STPG2: variants seen among roughly 807,000 people sequenced by gnomAD.
STPG2 encodes the protein sperm tail PG-rich repeat containing 2, also known as sperm-tail PG-rich repeat-containing protein 2.
A neutral mutation model predicts 54.2 loss-of-function variants in STPG2; 56 were observed. The observed-to-expected ratio is 1.03, with a 90% CI of 0.83 to 1.29. STPG2 has a LOEUF of 1.29. Ranked by LOEUF, STPG2 falls within the 50% of genes most tolerant of loss-of-function variation. The probability of loss-of-function intolerance (pLI) is 0.00; values close to 1 mark genes in which losing one functional copy is unlikely to be tolerated. For synonymous variants in STPG2, 200 were observed against 181.8 expected (o/e 1.10, Z -0.81); for missense variants, 596 against 544.9 (o/e 1.09, Z -0.93).
At chr4:97,705,266 T>G (rs1226607428) in intron 10 of STPG2, among the ~76,000 whole-genome samples, 1 of 152,148 alleles carries the variant, frequency 6.6e-6, no homozygotes, top group Admixed American at 6.6e-5. Flanking sequence ...AAACTCCCAT[T>G]ACTCTTTTAT....
chr4:97,877,181 A>T (rs1401208446), intron 8 of STPG2, among the ~76,000 whole-genome samples: 1 of 152,190 alleles, frequency 6.6e-6, no homozygotes, highest in Non-Finnish European at 1.5e-5. Context: ...AGTCTAACTG[A>T]AACTTTGTAC....
chr4:98,072,548 A>T, intron 5 of STPG2, among the ~76,000 whole-genome samples: 1 of 146,310 alleles, frequency 6.8e-6, no homozygotes, highest in Non-Finnish European at 1.5e-5. Context: ...CCCAGAACTT[A>T]CAATAAAAGT....
At chr4:97,501,353 C>T (rs1202947225) in intron 4 of STPG2, among the ~76,000 whole-genome samples, 3 of 150,726 alleles carry the variant, frequency 2.0e-5, no homozygotes, top group South Asian at 2.1e-4. Context: ...GTAAACATAT[C>T]GCAATAGGAA....
At chr4:97,867,117 A>T (rs1206921234) in intron 8 of STPG2, among the ~76,000 whole-genome samples, 2 of 152,004 alleles carry the variant, frequency 1.3e-5, no homozygotes, top group Non-Finnish European at 2.9e-5. Context: ...TGATCCATTT[A>T]GTACTGACAC....
intron 10 of STPG2, among the ~76,000 whole-genome samples, chr4:97,595,447 C>T (rs993240274): frequency 1.3e-5 from 2 of 151,332 alleles, no homozygotes; most frequent in Admixed American, 6.6e-5. Flanking sequence ...CGGGGCCTGT[C>T]ATGGGGTAGG....
intron 2 of STPG2, among the ~76,000 whole-genome samples, chr4:98,130,166 CTTTTTT>C (rs1397182900): frequency 1.4e-5 from 2 of 146,614 alleles, no homozygotes; most frequent in Non-Finnish European, 3.0e-5. Context: ...AGTCGTTTTT[CTTTTTT>C]AATATAATTT....
At chr4:97,870,985 A>G (rs1354487020) in intron 8 of STPG2, among the ~76,000 whole-genome samples, 2 of 151,120 alleles carry the variant, frequency 1.3e-5, no homozygotes, top group Non-Finnish European at 3.0e-5. Flanking sequence ...ATAATGAAAT[A>G]AAACAAGAAA....
intron 8 of STPG2, among the ~76,000 whole-genome samples, chr4:97,898,685 A>G (rs1731053248): frequency 6.6e-6 from 1 of 151,716 alleles, no homozygotes; most frequent in Non-Finnish European, 1.5e-5. Flanking sequence ...TATAATTTAA[A>G]AGCTTTAATT....
At chr4:97,933,379 T>C (rs1055231282) in intron 8 of STPG2, among the ~76,000 whole-genome samples, 10 of 152,312 alleles carry the variant, frequency 6.6e-5, no homozygotes, top group African/African-American at 2.4e-4. Flanking sequence ...TAGATCCCAA[T>C]TGTCAATTTT....
intron 7 of STPG2, among the ~76,000 whole-genome samples, chr4:97,967,524 G>C (rs532640123): frequency 6.9e-4 from 105 of 152,234 alleles, no homozygotes; most frequent in African/African-American, 2.4e-3. Context: ...GACATCTACA[G>C]AACTCTCCAC....
intron 7 of STPG2, among the ~76,000 whole-genome samples, chr4:97,945,180 A>C (rs572637258): frequency 6.6e-6 from 1 of 152,094 alleles, no homozygotes; most frequent in Non-Finnish European, 1.5e-5. Context: ...ATTGTACCCA[A>C]TAAGTAGTTT....
intron 9 of STPG2, among the ~76,000 whole-genome samples, chr4:97,795,694 T>C (rs1727147977): frequency 6.6e-6 from 1 of 152,236 alleles, no homozygotes; most frequent in African/African-American, 2.4e-5. Flanking sequence ...GCATGATTTA[T>C]AATCCTTTGG....
At chr4:97,845,892 A>C (rs781385960) in intron 8 of STPG2, among the ~76,000 whole-genome samples, 69 of 152,202 alleles carry the variant, frequency 4.5e-4, no homozygotes, top group Non-Finnish European at 6.8e-4. Context: ...CAAGGACTAA[A>C]GACTGGTATT....
rs1394404216 is a variant in STPG2, at chr4:97,489,189, A to G, written c.462+223510T>C. On this transcript the variant is annotated intron_variant, in intron 4 of 4. Transcript: ENST00000522676. ...TTGAACCTCCTTGCCTTCCAGCATG[A>G]TTGTGAGGCCTCCACACCCATTTGG... is the stretch of plus-strand genomic sequence containing the variant. Among the ~76,000 whole-genome samples, 3 of 151,830 alleles carry G rather than the reference A, an allele frequency of 2.0e-5. No individual in the cohort carries two copies. The East Asian group carries it at 5.8e-4, about 30-fold the overall frequency.
In STPG2 at chr4:97,981,460, G is replaced by T. The variant is rs946020858; in HGVS notation, c.613-142C>A. 21 of 810,960 alleles carry T rather than the reference G, an allele frequency of 2.6e-5. No homozygotes were observed. In the African/African-American group the frequency reaches 3.1e-4, roughly 12 times the overall value. The allele number at this position is 810,960 out of a possible 1,614,324, so 50.2% of individuals were successfully genotyped here. ...AGTGAAGAAAATGTAGATGAACTAA[G>T]ATCTTGTACCCATCAAAACATAAAA... On this transcript the variant is annotated intron_variant, in intron 5 of 10. Transcript: ENST00000295268.
chr4:97,945,047 CTTA>C (rs1250178864), intron 7 of STPG2, among the ~76,000 whole-genome samples: 2 of 152,104 alleles, frequency 1.3e-5, no homozygotes, highest in African/African-American at 4.8e-5. Context: ...TGAAAAATAA[CTTA>C]TTTTTATAAT....
At chr4:97,930,442 C>G (rs34916200) in intron 8 of STPG2, among the ~76,000 whole-genome samples, 2 of 151,882 alleles carry the variant, frequency 1.3e-5, no homozygotes, top group Non-Finnish European at 2.9e-5. Context: ...GAATGTTTTC[C>G]CCATTGCTTG....
chr4:97,652,889 A>G (rs1722110310), intron 10 of STPG2, among the ~76,000 whole-genome samples: 2 of 152,074 alleles, frequency 1.3e-5, no homozygotes, highest in African/African-American at 4.8e-5. Context: ...GACTAAAATC[A>G]TCATCATTTG....
chr4:97,954,300 G>A (rs1733585836), intron 7 of STPG2, among the ~76,000 whole-genome samples: 1 of 152,186 alleles, frequency 6.6e-6, no homozygotes, highest in African/African-American at 2.4e-5. Context: ...CCTCTGAGAG[G>A]TGAGCTACTG....
Sources: gnomAD v4.1 joint callset for allele counts (sites outside exome capture counted in the v4.1 genomes callset) on GRCh38, gnomAD v4.1.1 for gene constraint, MANE v1.5 for transcripts, NCBI Gene and HGNC (gene_info 2026-07-23, HGNC 2026-07-21) for gene names.